Variants in SUMF1 observed in about 807,000 individuals in gnomAD.
SUMF1 encodes the protein sulfatase modifying factor 1.
Under a neutral mutation model 47.6 loss-of-function variants are expected in SUMF1, and 48 were observed. The observed-to-expected ratio is 1.01, with a 90% CI of 0.80 to 1.28. The LOEUF is 1.28. Ranked by LOEUF, SUMF1 falls within the 50% of genes most tolerant of loss-of-function variation. SUMF1 has a pLI of 0.00. For missense variants in SUMF1, 571 were observed against 485.4 expected, an observed-to-expected ratio of 1.18 and a Z score of -1.66; for synonymous variants, 230 against 192.1, an observed-to-expected ratio of 1.20 and a Z score of -1.63.
intron 8 of SUMF1, among the ~76,000 whole-genome samples, chr3:4,277,490 G>A (rs1339286981): frequency 6.6e-6 from 1 of 151,920 alleles, no homozygotes. Flanking sequence ...GAGAGATCCA[G>A]ACCTAATAAG....
intron 1 of SUMF1, among the ~76,000 whole-genome samples, chr3:4,458,348 T>C (rs139067964): frequency 2.6e-5 from 4 of 152,192 alleles, no homozygotes; most frequent in African/African-American, 9.6e-5. Flanking sequence ...CAAACAGAAT[T>C]ACCATATGAT....
At chr3:4,042,544 T>C (rs1411272141) in intron 9 of SUMF1, among the ~76,000 whole-genome samples, 1 of 152,186 alleles carries the variant, frequency 6.6e-6, no homozygotes, top group Non-Finnish European at 1.5e-5. Flanking sequence ...CTCAGACTGG[T>C]GTCACTCTTG....
At chr3:4,404,832 A>G (rs1210469916) in intron 7 of SUMF1, among the ~76,000 whole-genome samples, 1 of 152,208 alleles carries the variant, frequency 6.6e-6, no homozygotes, top group South Asian at 2.1e-4. Context: ...AAAATTCTCA[A>G]TCAACTTCCT....
At chr3:4,238,812 C>T (rs1164666808) in intron 8 of SUMF1, among the ~76,000 whole-genome samples, 1 of 152,098 alleles carries the variant, frequency 6.6e-6, no homozygotes, top group African/African-American at 2.4e-5. Flanking sequence ...GCTTTTGTTG[C>T]CGTTGCTTTT....
At chr3:4,462,918 C>G (rs546081556) in intron 1 of SUMF1, among the ~76,000 whole-genome samples, 1 of 152,172 alleles carries the variant, frequency 6.6e-6, no homozygotes, top group Admixed American at 6.5e-5. Flanking sequence ...TCCTTTAAGC[C>G]TCAGTTGCCT....
At chr3:4,202,849 A>G (rs1695569885) in intron 8 of SUMF1, among the ~76,000 whole-genome samples, 1 of 151,854 alleles carries the variant, frequency 6.6e-6, no homozygotes, top group Non-Finnish European at 1.5e-5. Flanking sequence ...GTCATTCAGG[A>G]GCATATTGTT....
chr3:4,053,744 A>G (rs1207615419), intron 9 of SUMF1, among the ~76,000 whole-genome samples: 2 of 152,148 alleles, frequency 1.3e-5, no homozygotes, highest in African/African-American at 2.4e-5. Flanking sequence ...CAGAAGGGAG[A>G]GTAGAGAACA....
intron 8 of SUMF1, among the ~76,000 whole-genome samples, chr3:4,240,492 GT>G (rs1269563155): frequency 2.1e-5 from 3 of 140,438 alleles, no homozygotes; most frequent in African/African-American, 8.5e-5. Context: ...ATTTTATTTT[GT>G]TTTCAATTGC....
intron 8 of SUMF1, among the ~76,000 whole-genome samples, chr3:4,229,576 G>T (rs759494800): frequency 2.0e-5 from 3 of 152,098 alleles, no homozygotes; most frequent in Non-Finnish European, 4.4e-5. Context: ...TTGGCATTTA[G>T]CATAATGCCT....
chr3:4,265,284 C>T (rs1697168800), intron 8 of SUMF1, among the ~76,000 whole-genome samples: 1 of 151,894 alleles, frequency 6.6e-6, no homozygotes, highest in African/African-American at 2.4e-5. Context: ...TGTTGAGTAT[C>T]TTAAAGATAA....
At chr3:4,432,687 C>A (rs773956185) in intron 3 of SUMF1, among the ~76,000 whole-genome samples, 13 of 152,290 alleles carry the variant, frequency 8.5e-5, no homozygotes, top group African/African-American at 2.9e-4. Flanking sequence ...ATTTTCTATC[C>A]ATTATTCTGT....
At position 4,459,362 on chromosome 3, in the gene SUMF1, TAGAA is replaced by T. The variant is rs1391545485; in HGVS notation, c.271-6317_271-6314del. 2.0e-5 allele frequency among the ~76,000 whole-genome samples: 3 copies of T among 151,696 alleles called. No homozygotes were observed. In the South Asian group the frequency reaches 6.2e-4, roughly 31 times the overall value. On this transcript the variant is annotated intron_variant, in intron 1 of 8. Coordinates refer to ENST00000272902, the MANE Select transcript of SUMF1 (RefSeq NM_182760.4). ...AATTTTAAAAAACAAGGGCTCAAAT[TAGAA>T]AGGGGAAAAAAAAGAAGTCAAGGAG...
chr3:4,076,051 G>C (rs1256044115), intron 8 of SUMF1, among the ~76,000 whole-genome samples: 1 of 152,028 alleles, frequency 6.6e-6, no homozygotes, highest in Admixed American at 6.6e-5. Flanking sequence ...TAAGCAAAAA[G>C]AACAAAGCTG....
intron 8 of SUMF1, among the ~76,000 whole-genome samples, chr3:4,330,885 A>G (rs1420284379): frequency 1.3e-5 from 2 of 152,174 alleles, no homozygotes; most frequent in African/African-American, 4.8e-5. Context: ...TAAGATTTCC[A>G]TAAGTCTTTT....
chr3:4,226,379 C>T (rs990434220), intron 8 of SUMF1, among the ~76,000 whole-genome samples: 25 of 149,646 alleles, frequency 1.7e-4, no homozygotes, highest in East Asian at 5.9e-4. Context: ...AAACGATTCT[C>T]CTGCCTCAGC....
chr3:4,125,631 T>A (rs1352418751), intron 8 of SUMF1, among the ~76,000 whole-genome samples: 3 of 152,198 alleles, frequency 2.0e-5, no homozygotes, highest in Non-Finnish European at 4.4e-5. Flanking sequence ...TGTAACTCTG[T>A]CAAAAGAAAT....
intron 8 of SUMF1, among the ~76,000 whole-genome samples, chr3:4,074,243 G>C (rs960115380): frequency 1.1e-4 from 16 of 152,100 alleles, no homozygotes; most frequent in African/African-American, 3.9e-4. Context: ...ATGACTACTG[G>C]ATAAATAACA....
At chr3:4,358,240 A>T (rs367694139), downstream of SUMF1, among the ~76,000 whole-genome samples, 4 of 152,162 alleles carry the variant, frequency 2.6e-5, no homozygotes, top group East Asian at 7.7e-4. Flanking sequence ...CAGTCCAAAA[A>T]TAAAGACCGT....
At chr3:4,123,879 C>G (rs1043009807) in intron 8 of SUMF1, among the ~76,000 whole-genome samples, 2 of 152,148 alleles carry the variant, frequency 1.3e-5, no homozygotes, top group African/African-American at 4.8e-5. Context: ...TAGGGCGTCA[C>G]AGACATTGAT....
Sources: gnomAD v4.1 joint callset for allele counts (sites outside exome capture counted in the v4.1 genomes callset) on GRCh38, gnomAD v4.1.1 for gene constraint, MANE v1.5 for transcripts, NCBI Gene and HGNC (gene_info 2026-07-23, HGNC 2026-07-21) for gene names.